GULP1: variants seen among roughly 807,000 people sequenced by gnomAD.
The protein encoded by GULP1 is GULP PTB domain containing engulfment adaptor 1.
In GULP1, 19 loss-of-function variants were observed where a neutral mutation model predicts 40.9. That is an observed-to-expected ratio of 0.46 (90% CI 0.32 to 0.68). GULP1 has a LOEUF of 0.68. Ranked by LOEUF, GULP1 falls within the 30% of genes least tolerant of loss-of-function variation. GULP1 has a pLI of 0.03. For synonymous variants in GULP1, 119 were observed against 117.6 expected (o/e 1.01, Z -0.08); for missense variants, 312 against 362.2 (o/e 0.86, Z 1.12).
rs1020067723 is a variant in GULP1 at position 188,368,093 on chromosome 2, C to A, written c.-171-15670C>A. On this transcript the variant is annotated intron_variant, in intron 1 of 11. Coordinates refer to ENST00000409830, the MANE Select transcript of GULP1 (RefSeq NM_016315.4). ...TTTTCTTCTTTTGCCTTTCTCCCAG[C>A]TGCAGGGTATGATTTTGTAAGTATG... Among the ~76,000 whole-genome samples, 7 of 152,056 alleles carry A rather than the reference C, an allele frequency of 4.6e-5. No individual in the cohort carries two copies. In the South Asian group the frequency reaches 6.2e-4, roughly 13 times the overall value.
chr2:188,521,191 C>T (rs2065735233), intron 4 of GULP1, among the ~76,000 whole-genome samples: 1 of 151,894 alleles, frequency 6.6e-6, no homozygotes, highest in Admixed American at 6.6e-5. Context: ...TGTTTGTTTG[C>T]CCTATATATA....
chr2:188,471,924 T>C (rs1390483988), intron 2 of GULP1, among the ~76,000 whole-genome samples: 1 of 152,206 alleles, frequency 6.6e-6, no homozygotes, highest in Non-Finnish European at 1.5e-5. Flanking sequence ...ACTAAAGTAC[T>C]TGCTTTAGCA....
At chr2:188,294,232 G>A (rs534870917) in intron 1 of GULP1, 3 of 152,182 alleles carry the variant, frequency 2.0e-5, no homozygotes, top group East Asian at 1.9e-4. Flanking sequence ...GGTTTGAGCA[G>A]ATGGTTTTCT....
intron 2 of GULP1, among the ~76,000 whole-genome samples, chr2:188,411,480 T>C (rs1454557177): frequency 6.6e-6 from 1 of 152,142 alleles, no homozygotes; most frequent in African/African-American, 2.4e-5. Context: ...ACGAGTCCAC[T>C]GGGTGATGAA....
intron 5 of GULP1, among the ~76,000 whole-genome samples, chr2:188,527,418 G>A (rs994203014): frequency 3.9e-5 from 6 of 152,078 alleles, no homozygotes; most frequent in Admixed American, 6.6e-5. Flanking sequence ...GACTTATTTT[G>A]TAAGCCTTCC....
At chr2:188,467,476 G>GTTTTATTTAATATATCTTGGT (rs1392949411) in intron 2 of GULP1, among the ~76,000 whole-genome samples, 1 of 151,932 alleles carries the variant, frequency 6.6e-6, no homozygotes, top group Non-Finnish European at 1.5e-5. Context: ...GATTTTGGCA[G>GTTTTATTTAATATATCTTGGT]TTTTATTTAA....
chr2:188,423,299 G>T (rs531505251), intron 2 of GULP1, among the ~76,000 whole-genome samples: 7 of 152,080 alleles, frequency 4.6e-5, no homozygotes, highest in African/African-American at 1.7e-4. Context: ...ACAGTTGAAT[G>T]TGTAGGAACA....
At chr2:188,362,324 A>G (rs2046203862) in intron 1 of GULP1, among the ~76,000 whole-genome samples, 1 of 152,150 alleles carries the variant, frequency 6.6e-6, no homozygotes, top group Admixed American at 6.6e-5. Flanking sequence ...GTTTAGTCCT[A>G]TGGAACCATT....
chr2:188,559,120 A>T (rs376672893), intron 7 of GULP1, among the ~76,000 whole-genome samples: 1 of 152,228 alleles, frequency 6.6e-6, no homozygotes, highest in East Asian at 1.9e-4. Flanking sequence ...GGCATGTCAG[A>T]GGTCTTCACA....
chr2:188,386,883 ATTTC>A (rs2049836741), intron 2 of GULP1, among the ~76,000 whole-genome samples: 1 of 152,184 alleles, frequency 6.6e-6, no homozygotes. Flanking sequence ...GGCAGTAGCA[ATTTC>A]TTTCTCACAT....
intron 2 of GULP1, among the ~76,000 whole-genome samples, chr2:188,464,735 C>G (rs2059976892): frequency 6.6e-6 from 1 of 152,144 alleles, no homozygotes; most frequent in Non-Finnish European, 1.5e-5. Context: ...TGCAGTCCTC[C>G]CATTTTTGCC....
intron 2 of GULP1, among the ~76,000 whole-genome samples, chr2:188,423,791 A>G (rs1167510696): frequency 2.6e-5 from 4 of 151,872 alleles, no homozygotes; most frequent in African/African-American, 4.8e-5. Context: ...AATTGAAAAT[A>G]GCATTTTAAT....
At chr2:188,389,735 A>G (rs927804610) in intron 2 of GULP1, among the ~76,000 whole-genome samples, 2 of 152,032 alleles carry the variant, frequency 1.3e-5, no homozygotes, top group Non-Finnish European at 2.9e-5. Flanking sequence ...ATTGTACCCA[A>G]TATGTAGTTT....
At chr2:188,324,132 A>G (rs1057481160) in intron 1 of GULP1, among the ~76,000 whole-genome samples, 2 of 152,096 alleles carry the variant, frequency 1.3e-5, no homozygotes, top group Non-Finnish European at 2.9e-5. Flanking sequence ...GAATAAGAAA[A>G]TAAGGATTTA....
In GULP1 at chr2:188,403,692, G is replaced by A. The variant is rs542008756; in HGVS notation, c.-45+19803G>A. On this transcript the variant is annotated intron_variant, in intron 2 of 11. Transcript: ENST00000409830. ...ACAGCTAAATCTATGCACAGGGGAGGACTGTCAACCAAAAGGTGGCTGTGG... is the reference window on the plus strand; with the variant it reads ...ACAGCTAAATCTATGCACAGGGGAGAACTGTCAACCAAAAGGTGGCTGTGG... Among the ~76,000 whole-genome samples the A allele has an allele frequency of 2.6e-5, 4 of 152,280 alleles. No individual in the cohort carries two copies. In the South Asian group the frequency reaches 8.3e-4, roughly 32 times the overall value.
intron 2 of GULP1, among the ~76,000 whole-genome samples, chr2:188,417,823 C>G (rs1407936195): frequency 6.6e-6 from 1 of 152,056 alleles, no homozygotes; most frequent in Non-Finnish European, 1.5e-5. Flanking sequence ...AACAGAGTCT[C>G]ACTGTCACCT....
intron 2 of GULP1, among the ~76,000 whole-genome samples, chr2:188,394,430 C>T (rs1463846345): frequency 6.6e-6 from 1 of 151,812 alleles, no homozygotes; most frequent in African/African-American, 2.4e-5. Flanking sequence ...TCATTCATAT[C>T]CTGAATTTAA....
chr2:188,525,282 T>G (rs920500853), intron 5 of GULP1, among the ~76,000 whole-genome samples: 10 of 152,230 alleles, frequency 6.6e-5, no homozygotes, highest in African/African-American at 1.9e-4. Context: ...TCCCAGCTAC[T>G]TGGGAGGCTG....
chr2:188,307,904 C>T (rs2037381447), intron 1 of GULP1, among the ~76,000 whole-genome samples: 1 of 152,146 alleles, frequency 6.6e-6, no homozygotes, highest in Non-Finnish European at 1.5e-5. Context: ...GGATTGATAA[C>T]ATCTAAACAG....
Sources: allele counts gnomAD v4.1 joint callset (sites outside exome capture counted in the v4.1 genomes callset), GRCh38; gene constraint gnomAD v4.1.1; transcripts MANE v1.5; gene names NCBI Gene and HGNC (gene_info 2026-07-23, HGNC 2026-07-21).